Variants in MS4A1 observed in about 807,000 individuals in gnomAD.
MS4A1 encodes the protein B-lymphocyte antigen CD20.
In MS4A1, 16 loss-of-function variants were observed where a neutral mutation model predicts 26.5. The ratio of observed to expected loss-of-function variants is 0.60; its 90% CI spans 0.41 to 0.92. The LOEUF (loss-of-function observed/expected upper bound fraction) is 0.92. Among genes scored for constraint, MS4A1 ranks in the 40% least tolerant of loss-of-function variants. The probability of loss-of-function intolerance (pLI) is 0.00; values close to 1 mark genes in which losing one functional copy is unlikely to be tolerated. For missense variants in MS4A1, 350 were observed against 353.0 expected, an observed-to-expected ratio of 0.99 and a Z score of 0.07; for synonymous variants, 128 against 117.6, an observed-to-expected ratio of 1.09 and a Z score of -0.57.
In MS4A1 at chr11:60,468,837, A is replaced by T. The variant is rs2086318495; in HGVS notation, c.*369A>T. 4.3e-6 allele frequency: 1 copy of T among 234,334 alleles called. No homozygotes were observed. Among genetic ancestry groups the T allele is most frequent in the Admixed American group, 5.2e-5 (1 of 19,338 alleles). 14.5% of individuals were successfully genotyped at this position (234,334 alleles called of 1,614,324 possible). ...CTGCACCTGATGGAAAAGATATATG[A>T]CTGCTTCATGACATTCCTAAACTAT... On this transcript the variant is annotated 3_prime_UTR_variant, in exon 8 of 8. Transcript: ENST00000345732.
At chr11:60,464,021 T>C (rs961777520) in intron 4 of MS4A1, 11 of 536,572 alleles carry the variant, frequency 2.1e-5, no homozygotes, top group Non-Finnish European at 3.7e-5. Context: ...GTTCTGTCTC[T>C]TTGGTCTTAC....
chr11:60,466,125 C>A lies in MS4A1; in HGVS notation c.541C>A (p.Gln181Lys). The part of the protein sequence containing the change: ...NPSEKNSPST[Q>K]YCYSIQSLFL... The stretch of plus-strand genomic sequence containing the variant: ...CTCTGAGAAAAACTCCCCATCTACC[C>A]AATACTGTTACAGCATACAATCTCT... The change falls in exon 6 of 8, where the codon CAA becomes AAA. Residue 181 changes from glutamine to lysine, a missense_variant. By Grantham distance (53) the Gln-to-Lys change is moderately conservative. Coordinates refer to ENST00000345732, the MANE Select transcript of MS4A1 (RefSeq NM_152866.3). The A allele has an allele frequency of 6.2e-7, 1 of 1,612,420 alleles. No individual in the cohort carries two copies. Among genetic ancestry groups the A allele is most frequent in the South Asian group, 1.1e-5 (1 of 91,044 alleles).
intron 2 of MS4A1, among the ~76,000 whole-genome samples, chr11:60,461,443 G>T (rs1008261983): frequency 2.0e-4 from 31 of 151,740 alleles, no homozygotes; most frequent in African/African-American, 7.0e-4. Flanking sequence ...AGAACAAATG[G>T]AGGAATCACT....
chr11:60,462,644 C>A, intron 3 of MS4A1, 111 bp downstream of exon 3: 2 of 1,414,362 alleles, frequency 1.4e-6, no homozygotes, highest in Non-Finnish European at 2.0e-6. Context: ...TGGGATCCAA[C>A]CTGATGTCTT....
chr11:60,464,230 C>T lies in MS4A1; in HGVS notation c.280-58C>T, dbSNP rs2086271613. On this transcript the variant is annotated intron_variant, in intron 4 of 7. Coordinates refer to ENST00000345732, the MANE Select transcript of MS4A1 (RefSeq NM_152866.3). ...ATGTTAAAAAGTGATCTCCCTCTCT[C>T]CTCTATCTCCTGTCTTGCCCACCCC... The T allele has an allele frequency of 7.0e-6, 9 of 1,289,286 alleles. No homozygotes were observed. The East Asian group carries it at 9.3e-5, about 13-fold the overall frequency. The allele number at this position is 1,289,286 out of a possible 1,614,324, so 79.9% of individuals were successfully genotyped here. A position where few individuals can be genotyped will look rare whatever the true frequency, so the allele number is the denominator to read the frequency against.
At chr11:60,466,911 T>C in intron 6 of MS4A1, 48 bp from the exon 7 acceptor site, 1 of 1,542,746 alleles carries the variant, frequency 6.5e-7, no homozygotes, top group Non-Finnish European at 9.0e-7. Context: ...AACAATGTTC[T>C]TTGTGCCATT....
Position 60,466,140 on chromosome 11 carries a change from A to G in MS4A1, c.556A>G (p.Ile186Val), listed in dbSNP as rs375847581. ...NSPSTQYCYSIQSLFLGILSV... is the reference protein window; with the variant it reads ...NSPSTQYCYSVQSLFLGILSV... ...CCCATCTACCCAATACTGTTACAGC[A>G]TACAATCTCTGTTCTTGGTAAGTGT... Residue 186 changes from isoleucine to valine, a missense_variant, in exon 6 of 8, where the codon ATA becomes GTA. Physicochemically the swap from Ile to Val is conservative, Grantham distance 29. Transcript: ENST00000345732. 2 of 1,610,220 alleles carry G rather than the reference A, an allele frequency of 1.2e-6. No homozygotes were observed. The highest frequency in any genetic ancestry group is 2.2e-5 in the East Asian group (1 of 44,840).
intron 1 of MS4A1, among the ~76,000 whole-genome samples, chr11:60,457,293 T>C (rs2086212239): frequency 6.6e-6 from 1 of 152,094 alleles, no homozygotes; most frequent in Admixed American, 6.5e-5. Flanking sequence ...GATATGAGCT[T>C]GGGAAGTCAT....
intron 4 of MS4A1, 36 bp from the exon 5 acceptor site, chr11:60,464,252 C>G (rs200611730): frequency 4.5e-6 from 6 of 1,329,116 alleles, no homozygotes; most frequent in African/African-American, 1.5e-5. Context: ...GTCTTGCCCA[C>G]CCCCTCTCCA....
rs1941031 is a variant in MS4A1, at chr11:60,468,210, G to T, written c.676-40G>T. The T allele has an allele frequency of 0.081, 118,606 of 1,457,672 alleles. 5,710 individuals are homozygous for T. The highest frequency in any genetic ancestry group is 0.17 in the South Asian group (13,995 of 83,568). 90.3% of individuals were successfully genotyped at this position (1,457,672 alleles called of 1,614,324 possible). ...GGAGATTGTTGACAAAGGTGTCAGT[G>T]GTAAAAGTAAAGAATGGTTTGTTTA... On this transcript the variant is annotated intron_variant, in intron 7 of 7. Transcript: ENST00000345732.
At chr11:60,464,036 T>A in intron 4 of MS4A1, 1 of 558,032 alleles carries the variant, frequency 1.8e-6, no homozygotes, top group East Asian at 3.0e-5. Context: ...TCTTACTATA[T>A]TCCTAGTCAC....
chr11:60,463,265 G>T (rs1448190366), intron 4 of MS4A1, 144 bp downstream of exon 4: 9 of 1,228,246 alleles, frequency 7.3e-6, no homozygotes, highest in African/African-American at 3.0e-5. Flanking sequence ...AAGAAGACAG[G>T]TTGACCAAAT....
At chr11:60,462,163 A>G in intron 2 of MS4A1, 22 bp from the exon 3 acceptor site, 2 of 663,298 alleles carry the variant, frequency 3.0e-6, no homozygotes, top group South Asian at 3.0e-5. Flanking sequence ...TTCCTAAACA[A>G]CCCCTCCATC....
In MS4A1 at chr11:60,470,594, G is replaced by A. The variant is rs2086336466; in HGVS notation, c.*2126G>A. 1 of 151,928 alleles carries A rather than the reference G, an allele frequency of 6.6e-6. No individual in the cohort carries two copies. Among genetic ancestry groups the A allele is most frequent in the East Asian group, 1.9e-4 (1 of 5,178 alleles). 9.4% of individuals were successfully genotyped at this position (151,928 alleles called of 1,614,324 possible). A position where few individuals can be genotyped will look rare whatever the true frequency, so the allele number is the denominator to read the frequency against. On this transcript the variant is annotated 3_prime_UTR_variant, in exon 8 of 8. Coordinates refer to ENST00000345732, the MANE Select transcript of MS4A1 (RefSeq NM_152866.3). ...TGACCTTCTCCCCGATTATCCCTTT[G>A]GCAATATAGAGTCAAATAATAACAT...
chr11:60,456,245 G>C (rs2086202284), intron 1 of MS4A1, among the ~76,000 whole-genome samples: 1 of 152,068 alleles, frequency 6.6e-6, no homozygotes, highest in South Asian at 2.1e-4. Flanking sequence ...TCAAACTGGA[G>C]CTCTACCACT....
At chr11:60,458,981 C>G (rs1590842605) in intron 1 of MS4A1, among the ~76,000 whole-genome samples, 3 of 152,086 alleles carry the variant, frequency 2.0e-5, no homozygotes, top group African/African-American at 7.3e-5. Context: ...AAATATCACA[C>G]ACACACACAC....
At chr11:60,462,799 A>G (rs897393403) in intron 3 of MS4A1, among the ~76,000 whole-genome samples, 6 of 152,202 alleles carry the variant, frequency 3.9e-5, no homozygotes, top group African/African-American at 1.4e-4. Context: ...CCAGAATCCC[A>G]GGCATACCTG....
At chr11:60,466,203 G>A (rs749701665) in intron 6 of MS4A1, 46 bp downstream of exon 6, 9 of 1,423,714 alleles carry the variant, frequency 6.3e-6, no homozygotes, top group Non-Finnish European at 8.9e-6. Context: ...CTCCAGGGAG[G>A]AAGGATGACT....
chr11:60,463,162 C>A, intron 4 of MS4A1, 41 bp downstream of exon 4: 1 of 1,613,562 alleles, frequency 6.2e-7, no homozygotes, highest in Non-Finnish European at 8.5e-7. Context: ...ATGGTGCAGA[C>A]AAAAATGTTA....
Sources: allele counts gnomAD v4.1 joint callset (sites outside exome capture counted in the v4.1 genomes callset), GRCh38; gene constraint gnomAD v4.1.1; transcripts MANE v1.5; gene names NCBI Gene and HGNC (gene_info 2026-07-23, HGNC 2026-07-21).